LYST: variants seen among roughly 807,000 people sequenced by gnomAD.
LYST encodes lysosomal trafficking regulator, also known as lysosomal-trafficking regulator.
In LYST, 192 loss-of-function variants were observed where a neutral mutation model predicts 413.6. The observed-to-expected ratio is 0.46, with a 90% CI of 0.41 to 0.52. LYST has a LOEUF of 0.52. Among genes scored for constraint, LYST ranks in the 20% least tolerant of loss-of-function variants. The pLI is 0.00. For synonymous variants in LYST, 1,525 were observed against 1,567.3 expected (o/e 0.97, Z 0.64); for missense variants, 3,815 against 4,499.9 (o/e 0.85, Z 4.35).
At position 235,674,951 on chromosome 1, in the gene LYST, A is replaced by G. The variant is rs1268622759; in HGVS notation, c.11038+2140T>C. 6.6e-6 allele frequency among the ~76,000 whole-genome samples: 1 copy of G among 152,206 alleles called. No individual in the cohort carries two copies. The highest frequency in any genetic ancestry group is 1.5e-5 in the Non-Finnish European group (1 of 68,044). On this transcript the variant is annotated intron_variant, in intron 50 of 52. Coordinates refer to ENST00000389793, the MANE Select transcript of LYST (RefSeq NM_000081.4). The surrounding 1 kb of genome is among the most constrained non-coding windows in gnomAD (Gnocchi z 4.1). ...TGTAAGTTGCTGCATCATACCTTGT[A>G]TTCGTGGATCAAGGCAAAGGCTTAT...
chr1:235,784,014 G>C (rs1237753901), intron 14 of LYST, among the ~76,000 whole-genome samples: 1 of 151,904 alleles, frequency 6.6e-6, no homozygotes, highest in African/African-American at 2.4e-5. Context: ...CGAATAGCTG[G>C]GACTACAGCT....
chr1:235,766,549 C>T (rs1181094849), intron 20 of LYST, among the ~76,000 whole-genome samples: 3 of 152,210 alleles, frequency 2.0e-5, no homozygotes, highest in East Asian at 1.9e-4. Context: ...CTCTCACAAG[C>T]GTGGTCTCAA....
intron 33 of LYST, 39 bp from the exon 34 acceptor site, chr1:235,733,730 T>C (rs773988887): frequency 6.4e-7 from 1 of 1,556,258 alleles, no homozygotes; most frequent in Non-Finnish European, 8.9e-7. Flanking sequence ...TAAGCATACA[T>C]GGAACGTATT....
At chr1:235,788,459 A>T (rs1670656689) in intron 13 of LYST, among the ~76,000 whole-genome samples, 1 of 152,188 alleles carries the variant, frequency 6.6e-6, no homozygotes, top group East Asian at 1.9e-4. Context: ...AAGTGCTGGG[A>T]TTACAGGCAT....
chr1:235,849,573 A>G (rs906402835), intron 1 of LYST, among the ~76,000 whole-genome samples: 2 of 152,086 alleles, frequency 1.3e-5, no homozygotes, highest in Non-Finnish European at 1.5e-5. Flanking sequence ...GAGGAAGTCA[A>G]ACTTTCACTG....
chr1:235,844,172 G>C (rs775824502), intron 1 of LYST, among the ~76,000 whole-genome samples: 10 of 152,062 alleles, frequency 6.6e-5, no homozygotes, highest in Admixed American at 3.9e-4. Flanking sequence ...CAGCTCTCCA[G>C]AGTTTAATAT....
intron 1 of LYST, among the ~76,000 whole-genome samples, chr1:235,857,046 A>G (rs1363024790): frequency 6.6e-6 from 1 of 151,462 alleles, no homozygotes; most frequent in Non-Finnish European, 1.5e-5. Context: ...CCTAGGTTCA[A>G]GCGATTCTCA....
At chr1:235,743,186 G>T (rs1033614091) in intron 30 of LYST, among the ~76,000 whole-genome samples, 2 of 152,072 alleles carry the variant, frequency 1.3e-5, no homozygotes, top group Non-Finnish European at 2.9e-5. Context: ...TTTAACTATG[G>T]TCCCACTAAG....
chr1:235,777,377 A>C lies in LYST; in HGVS notation c.5215-69T>G, dbSNP rs983720377. On this transcript the variant is annotated intron_variant, in intron 16 of 52. Coordinates refer to ENST00000389793, the MANE Select transcript of LYST (RefSeq NM_000081.4). ...AATGCAAGCTATGAACTAGCAAGTA[A>C]GTATTTCAAAGTGAAAACACACTCA... The C allele has an allele frequency of 5.2e-6, 7 of 1,338,198 alleles. No homozygotes were observed. The African/African-American group carries it at 1.0e-4, about 19-fold the overall frequency. 82.9% of individuals were successfully genotyped at this position (1,338,198 alleles called of 1,614,324 possible). A position where few individuals can be genotyped will look rare whatever the true frequency, so the allele number is the denominator to read the frequency against.
chr1:235,743,507 A>C (rs12117408), intron 30 of LYST, among the ~76,000 whole-genome samples: 4,364 of 152,324 alleles, frequency 0.029, 119 homozygotes, highest in South Asian at 0.12. Context: ...AGTGACCCGC[A>C]GAAACCCAAG....
chr1:235,802,193 CAAAAAAAA>C (rs35511208), intron 8 of LYST, among the ~76,000 whole-genome samples: 8 of 45,074 alleles, frequency 1.8e-4, no homozygotes, highest in Admixed American at 1.1e-3. Flanking sequence ...GACTCCATTT[CAAAAAAAA>C]AAAAAAAAAA....
chr1:235,663,100 C>A (rs1317301179), intron 52 of LYST, 22 bp from the exon 53 acceptor site: 1 of 1,402,046 alleles, frequency 7.1e-7, no homozygotes, highest in African/African-American at 1.4e-5. Context: ...AAAAAATTCC[C>A]ATTTGTACAT....
intron 45 of LYST, among the ~76,000 whole-genome samples, chr1:235,697,813 A>G (rs1661225439): frequency 6.6e-6 from 1 of 152,202 alleles, no homozygotes; most frequent in Non-Finnish European, 1.5e-5. Flanking sequence ...TATGGAACAT[A>G]TTGCGAGGAT....
intron 12 of LYST, 57 bp from the exon 13 acceptor site, chr1:235,788,902 A>G: frequency 6.6e-7 from 1 of 1,522,576 alleles, no homozygotes; most frequent in Non-Finnish European, 9.1e-7. Context: ...ACTGAGTAGA[A>G]AAGTGAATTT....
At chr1:235,698,672 C>T (rs1661295811) in intron 45 of LYST, among the ~76,000 whole-genome samples, 1 of 152,028 alleles carries the variant, frequency 6.6e-6, no homozygotes, top group Non-Finnish European at 1.5e-5. Flanking sequence ...GAGATCAAGA[C>T]CATCCTGGTT....
chr1:235,857,875 G>A (rs576262891), intron 1 of LYST, among the ~76,000 whole-genome samples: 4 of 151,998 alleles, frequency 2.6e-5, no homozygotes, highest in African/African-American at 9.7e-5. Context: ...TGGGGGCCAG[G>A]AAGACAAGTC....
Position 235,686,543 on chromosome 1 carries a change from C to T in LYST, c.10800+406G>A, listed in dbSNP as rs1660236723. Among the ~76,000 whole-genome samples the T allele has an allele frequency of 6.6e-6, 1 of 152,134 alleles. No individual in the cohort carries two copies. Among genetic ancestry groups the T allele is most frequent in the African/African-American group, 2.4e-5 (1 of 41,428 alleles). ...TTCCAGTAAGTGGTACAAATCCAGA[C>T]AGACTACTTAGATTTTGCTGTCACT... On this transcript the variant is annotated intron_variant, in intron 48 of 52. Transcript: ENST00000389793. The surrounding 1 kb of genome is among the most constrained non-coding windows in gnomAD (Gnocchi z 4.0).
At chr1:235,759,650 C>T (rs1304869610) in intron 22 of LYST, 51 bp from the exon 23 acceptor site, 1 of 1,358,218 alleles carries the variant, frequency 7.4e-7, no homozygotes. Flanking sequence ...TAAGTGGAAC[C>T]ACCTCTCTTT....
At chr1:235,820,045 A>G (rs1300998554) in intron 3 of LYST, among the ~76,000 whole-genome samples, 3 of 152,250 alleles carry the variant, frequency 2.0e-5, no homozygotes, top group Non-Finnish European at 4.4e-5. Flanking sequence ...AGTAACTTTC[A>G]TTGAGGTATT....
Sources: allele counts gnomAD v4.1 joint callset (sites outside exome capture counted in the v4.1 genomes callset), GRCh38; gene constraint gnomAD v4.1.1; non-coding constraint Gnocchi (gnomAD v3.1); transcripts MANE v1.5; gene names NCBI Gene and HGNC (gene_info 2026-07-23, HGNC 2026-07-21).